The following MAL2 variants were observed in gnomAD, a reference collection of about 807,000 sequenced individuals.
MAL2 encodes protein MAL2.
A neutral mutation model predicts 18.1 loss-of-function variants in MAL2; 17 were observed. That is an observed-to-expected ratio of 0.94 (90% CI 0.64 to 1.41). The LOEUF (loss-of-function observed/expected upper bound fraction) is 1.41. Among genes scored for constraint, MAL2 ranks in the 40% most tolerant of loss-of-function variants. The pLI, the probability that MAL2 is intolerant of heterozygous loss-of-function variation, is 0.00. For synonymous variants in MAL2, 102 were observed against 102.3 expected (o/e 1.00, Z 0.02); for missense variants, 222 against 231.9 (o/e 0.96, Z 0.28).
intron 2 of MAL2, among the ~76,000 whole-genome samples, chr8:119,235,179 G>T (rs137974344): frequency 6.6e-6 from 1 of 152,038 alleles, no homozygotes; most frequent in African/African-American, 2.4e-5. Context: ...CCTCAGGAGC[G>T]AATGCGATCA....
intron 2 of MAL2, chr8:119,223,982 A>C (rs1817527208): frequency 6.6e-6 from 1 of 152,166 alleles, no homozygotes; most frequent in Admixed American, 6.5e-5. Flanking sequence ...TTAATGGCTC[A>C]AAAATAGTTG....
In MAL2 at chr8:119,245,201, T is replaced by A. The variant is rs964007948; in HGVS notation, c.*1713T>A. 4 of 152,586 alleles carry A rather than the reference T, an allele frequency of 2.6e-5. No individual in the cohort carries two copies. The South Asian group carries it at 8.3e-4, about 32-fold the overall frequency. 9.5% of individuals were successfully genotyped at this position (152,586 alleles called of 1,614,324 possible). A position where few individuals can be genotyped will look rare whatever the true frequency, so the allele number is the denominator to read the frequency against. ...ATCTTTTCTATAATATCCTACTACT[T>A]TGGTTTTCCTAGCTCCATACCACAC... On this transcript the variant is annotated 3_prime_UTR_variant, in exon 4 of 4. Transcript: ENST00000614891.
At chr8:119,226,802 A>G (rs2129836696) in intron 2 of MAL2, among the ~76,000 whole-genome samples, 1 of 152,356 alleles carries the variant, frequency 6.6e-6, no homozygotes, top group Non-Finnish European at 1.5e-5. Flanking sequence ...CTGCTAAGTC[A>G]GAAACTCTGG....
intron 1 of MAL2, chr8:119,221,346 C>T (rs1817460805): frequency 2.3e-6 from 1 of 441,844 alleles, no homozygotes; most frequent in East Asian, 3.4e-5. Context: ...GAAGCGAGTC[C>T]AACCTGAAGA....
chr8:119,217,254 A>G (rs1175430305), intron 1 of MAL2, among the ~76,000 whole-genome samples: 3 of 152,232 alleles, frequency 2.0e-5, no homozygotes, highest in Non-Finnish European at 4.4e-5. Context: ...CCAAGCAAAC[A>G]TAACAAACAT....
At chr8:119,209,136 T>G (rs77980484) in intron 1 of MAL2, 1,906 of 156,874 alleles carry the variant, frequency 0.012, 16 homozygotes, top group Non-Finnish European at 0.018. Flanking sequence ...CCACTCACCC[T>G]TGCCATCATT....
intron 2 of MAL2, among the ~76,000 whole-genome samples, chr8:119,230,376 G>A (rs556194791): frequency 2.7e-5 from 4 of 148,936 alleles, no homozygotes; most frequent in African/African-American, 9.9e-5. Flanking sequence ...GGAAAGCCTT[G>A]AAACCACAAT....
At chr8:119,214,197 G>C (rs1367934926) in intron 1 of MAL2, among the ~76,000 whole-genome samples, 3 of 152,196 alleles carry the variant, frequency 2.0e-5, no homozygotes, top group African/African-American at 7.2e-5. Context: ...AATGCTACTT[G>C]TTTGTTCTAT....
chr8:119,219,567 C>T (rs62532252), intron 1 of MAL2, among the ~76,000 whole-genome samples: 3 of 142,436 alleles, frequency 2.1e-5, no homozygotes, highest in African/African-American at 8.0e-5. Context: ...GAGAGAGAGA[C>T]AGAGAGAGAG....
intron 2 of MAL2, 144 bp from the exon 3 acceptor site, chr8:119,240,021 A>G (rs1239964572): frequency 1.0e-5 from 9 of 886,344 alleles, no homozygotes; most frequent in Non-Finnish European, 1.3e-5. Flanking sequence ...TAACATTTCT[A>G]AAGCAGCTAA....
intron 2 of MAL2, among the ~76,000 whole-genome samples, chr8:119,237,270 A>G (rs949023710): frequency 1.3e-5 from 2 of 151,106 alleles, no homozygotes; most frequent in Non-Finnish European, 2.9e-5. Flanking sequence ...GACCAATAAC[A>G]GGAGCTGAAA....
At chr8:119,239,440 A>G (rs573244054) in intron 2 of MAL2, among the ~76,000 whole-genome samples, 1 of 152,066 alleles carries the variant, frequency 6.6e-6, no homozygotes, top group Non-Finnish European at 1.5e-5. Flanking sequence ...AAAGGACTAC[A>G]GATCATGCTG....
Position 119,231,180 on chromosome 8 carries a change from C to T in MAL2, c.304-8985C>T, listed in dbSNP as rs371203085. On this transcript the variant is annotated intron_variant, in intron 2 of 3. Coordinates refer to ENST00000614891, the MANE Select transcript of MAL2 (RefSeq NM_052886.3). ...CCAAGTAGCTGGGACCACAGGCGCC[C>T]GCCACCACACCCAGCTAATCTTTTT... is the stretch of plus-strand genomic sequence containing the variant. Among the ~76,000 whole-genome samples the T allele has an allele frequency of 1.1e-3, 170 of 152,198 alleles. 3 individuals are homozygous for T. The South Asian group carries it at 0.026, about 23-fold the overall frequency.
At chr8:119,221,372 G>C in intron 1 of MAL2, 1 of 532,590 alleles carries the variant, frequency 1.9e-6, no homozygotes, top group Non-Finnish European at 3.3e-6. Flanking sequence ...GTGTGGAGTT[G>C]GATCAGTTCT....
At chr8:119,242,087 C>CA (rs1454252931) in intron 3 of MAL2, among the ~76,000 whole-genome samples, 1 of 152,150 alleles carries the variant, frequency 6.6e-6, no homozygotes, top group Non-Finnish European at 1.5e-5. Context: ...TTCTTACTTC[C>CA]AGTCCCTTCA....
intron 1 of MAL2, among the ~76,000 whole-genome samples, chr8:119,220,414 A>C (rs1287692403): frequency 1.3e-5 from 2 of 152,188 alleles, no homozygotes; most frequent in Non-Finnish European, 2.9e-5. Flanking sequence ...AGAGCTGAGA[A>C]ACACAGAGAT....
At chr8:119,218,537 C>G (rs1817401937) in intron 1 of MAL2, among the ~76,000 whole-genome samples, 1 of 152,106 alleles carries the variant, frequency 6.6e-6, no homozygotes, top group Non-Finnish European at 1.5e-5. Flanking sequence ...GTGTTGAGCT[C>G]TTTTTATAGC....
intron 1 of MAL2, among the ~76,000 whole-genome samples, chr8:119,217,001 G>T (rs1198539401): frequency 1.3e-5 from 2 of 152,168 alleles, no homozygotes; most frequent in Admixed American, 6.5e-5. Context: ...ACATAAGACC[G>T]TCCAAACAGG....
intron 3 of MAL2, among the ~76,000 whole-genome samples, chr8:119,242,281 A>G (rs1386173543): frequency 6.6e-6 from 1 of 152,066 alleles, no homozygotes; most frequent in Non-Finnish European, 1.5e-5. Flanking sequence ...TCCATAATGT[A>G]GTTCTGTTCT....
Sources: gnomAD v4.1 joint callset for allele counts (sites outside exome capture counted in the v4.1 genomes callset) on GRCh38, gnomAD v4.1.1 for gene constraint, MANE v1.5 for transcripts, NCBI Gene and HGNC (gene_info 2026-07-23, HGNC 2026-07-21) for gene names.